Variants in TENM2 observed in about 807,000 individuals in gnomAD.
The protein encoded by TENM2 is teneurin-2.
A neutral mutation model predicts 245.2 loss-of-function variants in TENM2; 52 were observed. That is an observed-to-expected ratio of 0.21 (90% CI 0.17 to 0.27). The LOEUF (loss-of-function observed/expected upper bound fraction) is 0.27, where lower values mean the gene tolerates loss of function less well. Ranked by LOEUF, TENM2 falls within the 10% of genes least tolerant of loss-of-function variation. TENM2 has a pLI of 1.00. For missense variants in TENM2, 3,046 were observed against 3,666.8 expected, an observed-to-expected ratio of 0.83 and a Z score of 4.37; for synonymous variants, 1,363 against 1,438.9, an observed-to-expected ratio of 0.95 and a Z score of 1.19.
intron 3 of TENM2, among the ~76,000 whole-genome samples, chr5:167,939,177 G>A (rs1020557064): frequency 1.3e-5 from 2 of 152,112 alleles, no homozygotes; most frequent in Non-Finnish European, 2.9e-5. Flanking sequence ...CCAGTTTCAC[G>A]GAAGACAAAT....
In TENM2 at chr5:168,247,169, A is replaced by G; in HGVS notation, c.6230A>G (p.Tyr2077Cys). The G allele has an allele frequency of 6.2e-7, 1 of 1,613,902 alleles. No individual in the cohort carries two copies. The highest frequency in any genetic ancestry group is 8.5e-7 in the Non-Finnish European group (1 of 1,179,888). ...GGCCCCCTGGTGGACAAGCAGATCT[A>G]CAGGTTCTCCGAGGAAGGCATGGTC... The change falls in exon 27 of 29, where the codon TAC becomes TGC. Residue 2077 changes from tyrosine (Y) to cysteine (C), a missense_variant. Around this residue, in one of 2 missense-constraint regions of TENM2, gnomAD observed 2,704 missense variants for 3,331.9 expected, o/e 0.81. Coordinates refer to ENST00000518659, the Ensembl canonical transcript of TENM2. The surrounding 1 kb of genome is among the most constrained non-coding windows in gnomAD (Gnocchi z 7.8).
At chr5:167,526,988 A>G (rs1771165585) in intron 2 of TENM2, among the ~76,000 whole-genome samples, 2 of 152,070 alleles carry the variant, frequency 1.3e-5, no homozygotes, top group Non-Finnish European at 2.9e-5. Flanking sequence ...TTGGATTCAA[A>G]TTCAATCAAT....
intron 28 of TENM2, among the ~76,000 whole-genome samples, chr5:168,260,997 A>G (rs902296269): frequency 7.2e-5 from 11 of 152,334 alleles, no homozygotes; most frequent in African/African-American, 2.4e-4. Flanking sequence ...ACCGGCGCTC[A>G]GCACTATCAA....
intron 2 of TENM2, among the ~76,000 whole-genome samples, chr5:167,775,307 G>A (rs1763692887): frequency 6.6e-6 from 1 of 152,168 alleles, no homozygotes; most frequent in Non-Finnish European, 1.5e-5. Context: ...AAACCAGTAA[G>A]CAGGAGGAAA....
At chr5:167,986,739 A>C (rs186304302) in intron 4 of TENM2, among the ~76,000 whole-genome samples, 2 of 152,322 alleles carry the variant, frequency 1.3e-5, no homozygotes, top group South Asian at 2.1e-4. Context: ...GCTGGGAAGA[A>C]GTTCAGTTGG....
At chr5:167,504,195 A>C (rs1012267812) in intron 2 of TENM2, among the ~76,000 whole-genome samples, 4 of 152,184 alleles carry the variant, frequency 2.6e-5, no homozygotes, top group Non-Finnish European at 4.4e-5. Flanking sequence ...TTATTCTGTT[A>C]TTAGGGTTAT....
chr5:167,191,833 A>G, the TENM2 span, among the ~76,000 whole-genome samples: 1 of 151,992 alleles, frequency 6.6e-6, no homozygotes, highest in South Asian at 2.1e-4. Context: ...GTGAGACTCA[A>G]AACTTGTTAA....
At chr5:168,213,208 C>G (rs1260918677) in intron 20 of TENM2, among the ~76,000 whole-genome samples, 1 of 152,132 alleles carries the variant, frequency 6.6e-6, no homozygotes, top group African/African-American at 2.4e-5. Context: ...AGGAATGAAA[C>G]CAGGTAGTCT....
chr5:167,446,824 C>CAG (rs774128957), intron 2 of TENM2, among the ~76,000 whole-genome samples: 1,800 of 150,540 alleles, frequency 0.012, 16 homozygotes, highest in Middle Eastern at 0.021. Flanking sequence ...CACACACACA[C>CAG]ACAGACATAC....
chr5:167,038,292 G>A, the TENM2 span, among the ~76,000 whole-genome samples: 1 of 152,166 alleles, frequency 6.6e-6, no homozygotes, highest in African/African-American at 2.4e-5. Context: ...ACCTATATCT[G>A]TTATACCTTC....
chr5:167,673,589 G>C (rs1451377688), intron 2 of TENM2, among the ~76,000 whole-genome samples: 5 of 152,076 alleles, frequency 3.3e-5, no homozygotes. Context: ...AATGCTTGTA[G>C]TAGCATAGGA....
At chr5:167,621,751 G>T (rs183807324) in intron 2 of TENM2, among the ~76,000 whole-genome samples, 11 of 152,280 alleles carry the variant, frequency 7.2e-5, no homozygotes, top group African/African-American at 2.6e-4. Context: ...ACTGAGCTGG[G>T]TTGTGTCAAA....
chr5:167,026,349 C>G, the TENM2 span, among the ~76,000 whole-genome samples: 1 of 152,212 alleles, frequency 6.6e-6, no homozygotes, highest in Admixed American at 6.5e-5. Context: ...GCCTGCGTTT[C>G]CACATAGTGG....
At chr5:168,212,850 A>G (rs1196966501) in intron 20 of TENM2, among the ~76,000 whole-genome samples, 2 of 152,220 alleles carry the variant, frequency 1.3e-5, no homozygotes, top group Admixed American at 1.3e-4. Context: ...CTCTGCAAGC[A>G]TCTTGGTGAA....
chr5:167,807,319 ATCCC>A (rs1207344934), intron 2 of TENM2, among the ~76,000 whole-genome samples: 1 of 151,964 alleles, frequency 6.6e-6, no homozygotes, highest in African/African-American at 2.4e-5. Context: ...TCATGGACCC[ATCCC>A]TAAAGCAATT....
chr5:168,078,924 G>A (rs1461617116), intron 7 of TENM2, among the ~76,000 whole-genome samples: 1 of 152,082 alleles, frequency 6.6e-6, no homozygotes, highest in Admixed American at 6.6e-5. Context: ...CTCTTTTTTG[G>A]TTCCATATGA....
intron 7 of TENM2, among the ~76,000 whole-genome samples, chr5:168,079,164 T>C (rs1289336979): frequency 6.6e-6 from 1 of 152,216 alleles, no homozygotes; most frequent in African/African-American, 2.4e-5. Context: ...TAAGTTGGAT[T>C]CCTAGGTATT....
the TENM2 span, among the ~76,000 whole-genome samples, chr5:167,187,768 G>T: frequency 1.3e-5 from 2 of 152,004 alleles, no homozygotes; most frequent in Admixed American, 6.6e-5. Flanking sequence ...GTTCTCCGGG[G>T]AGCCTGGTTG....
the TENM2 span, among the ~76,000 whole-genome samples, chr5:167,146,299 A>G: frequency 7.6e-4 from 115 of 152,234 alleles, no homozygotes; most frequent in Non-Finnish European, 1.4e-3. Flanking sequence ...ACTAAGAGTT[A>G]ATTCACATTG....
Sources: allele counts gnomAD v4.1 joint callset (sites outside exome capture counted in the v4.1 genomes callset), GRCh38; gene constraint gnomAD v4.1.1; regional missense constraint gnomAD v4.1.1; non-coding constraint Gnocchi (gnomAD v3.1); transcripts MANE v1.5; gene names NCBI Gene and HGNC (gene_info 2026-07-23, HGNC 2026-07-21).